Variants in ANGPT1 observed in about 807,000 individuals in gnomAD.
ANGPT1 encodes the protein angiopoietin-1.
A neutral mutation model predicts 62.2 loss-of-function variants in ANGPT1; 17 were observed. The observed-to-expected ratio is 0.27, with a 90% CI of 0.19 to 0.41. ANGPT1 has a LOEUF of 0.41. Ranked by LOEUF, ANGPT1 falls within the 10% of genes least tolerant of loss-of-function variation. The pLI is 1.00. For missense variants in ANGPT1, 478 were observed against 594.9 expected (o/e 0.80, Z 2.04); for synonymous variants, 199 against 198.9 (o/e 1.00, Z 0.00).
At chr8:107,466,629 A>T (rs1472810196) in intron 1 of ANGPT1, among the ~76,000 whole-genome samples, 1 of 152,106 alleles carries the variant, frequency 6.6e-6, no homozygotes, top group Admixed American at 6.6e-5. Flanking sequence ...ATTATAATTG[A>T]GGCTGGGCAC....
chr8:107,319,686 C>A (rs1385333804), intron 4 of ANGPT1, among the ~76,000 whole-genome samples: 1 of 151,646 alleles, frequency 6.6e-6, no homozygotes, highest in Admixed American at 6.6e-5. Context: ...ATGCTATTAG[C>A]CATTTAAAAT....
intron 1 of ANGPT1, among the ~76,000 whole-genome samples, chr8:107,429,582 T>G (rs920683660): frequency 6.6e-6 from 1 of 151,528 alleles, no homozygotes; most frequent in African/African-American, 2.4e-5. Flanking sequence ...TAATTATTTG[T>G]CTTTTTTCTC....
intron 1 of ANGPT1, among the ~76,000 whole-genome samples, chr8:107,460,322 G>C (rs752896631): frequency 6.6e-6 from 1 of 152,128 alleles, no homozygotes; most frequent in Non-Finnish European, 1.5e-5. Flanking sequence ...GAGATGAGAA[G>C]TTTAAGCAGA....
chr8:107,291,632 C>T (rs1814278527), intron 6 of ANGPT1, among the ~76,000 whole-genome samples: 2 of 151,988 alleles, frequency 1.3e-5, no homozygotes, highest in African/African-American at 4.8e-5. Context: ...AAGATGGTCT[C>T]GATCTCCTGA....
chr8:107,312,906 G>A (rs900918786), intron 4 of ANGPT1, among the ~76,000 whole-genome samples: 2 of 152,102 alleles, frequency 1.3e-5, no homozygotes, highest in Non-Finnish European at 2.9e-5. Context: ...ATACTGGAGA[G>A]AAACCATCTC....
chr8:107,317,247 C>T (rs979668032), intron 4 of ANGPT1, among the ~76,000 whole-genome samples: 7 of 152,158 alleles, frequency 4.6e-5, no homozygotes, highest in Non-Finnish European at 1.0e-4. Context: ...TTCTTCTTCC[C>T]AGTAGTCTGA....
chr8:107,274,699 C>A (rs1357871843), intron 7 of ANGPT1, among the ~76,000 whole-genome samples: 1 of 152,028 alleles, frequency 6.6e-6, no homozygotes, highest in Non-Finnish European at 1.5e-5. Context: ...TGACTTGTTG[C>A]TCTTTGAATT....
intron 1 of ANGPT1, among the ~76,000 whole-genome samples, chr8:107,486,363 T>C (rs2130531919): frequency 6.6e-6 from 1 of 152,278 alleles, no homozygotes; most frequent in East Asian, 1.9e-4. Context: ...ACTTCCACTC[T>C]CTGTACCTGC....
intron 5 of ANGPT1, among the ~76,000 whole-genome samples, chr8:107,302,795 T>C (rs1814624982): frequency 6.6e-6 from 1 of 151,952 alleles, no homozygotes; most frequent in African/African-American, 2.4e-5. Context: ...ATAGGAAATG[T>C]TTCTCCTATC....
In ANGPT1 at chr8:107,251,716, T is replaced by C; in HGVS notation, c.*139A>G. On this transcript the variant is annotated 3_prime_UTR_variant, in exon 9 of 9. Coordinates refer to ENST00000517746, the MANE Select transcript of ANGPT1 (RefSeq NM_001146.5). ...GGCTCCAGATTCACGGTCAAGAACC[T>C]TGGTGACTTCACATAACTACCACTT... 1 of 1,087,370 alleles carries C rather than the reference T, an allele frequency of 9.2e-7. No homozygotes were observed. Among genetic ancestry groups the C allele is most frequent in the Non-Finnish European group, 1.3e-6 (1 of 770,440 alleles). The allele number at this position is 1,087,370 out of a possible 1,614,324, so 67.4% of individuals were successfully genotyped here.
intron 6 of ANGPT1, among the ~76,000 whole-genome samples, chr8:107,286,832 A>G (rs1814153707): frequency 6.6e-6 from 1 of 152,152 alleles, no homozygotes; most frequent in South Asian, 2.1e-4. Flanking sequence ...GTGGCAGGAA[A>G]TATTAGAGCA....
intron 2 of ANGPT1, among the ~76,000 whole-genome samples, chr8:107,343,762 C>T (rs919314306): frequency 2.6e-5 from 4 of 152,160 alleles, no homozygotes; most frequent in Non-Finnish European, 4.4e-5. Context: ...AAACATCTTA[C>T]ATCAAGGAAG....
intron 4 of ANGPT1, among the ~76,000 whole-genome samples, chr8:107,319,859 T>A (rs1815109704): frequency 6.6e-6 from 1 of 151,906 alleles, no homozygotes; most frequent in South Asian, 2.1e-4. Flanking sequence ...ACAGTAAGAT[T>A]AAAGAAAAAA....
chr8:107,493,068 A>G (rs2130545418), intron 1 of ANGPT1, among the ~76,000 whole-genome samples: 1 of 150,630 alleles, frequency 6.6e-6, no homozygotes, highest in Non-Finnish European at 1.5e-5. Context: ...AGGTCCCTTA[A>G]TTTTCACTAT....
intron 1 of ANGPT1, among the ~76,000 whole-genome samples, chr8:107,391,072 A>G (rs1816825700): frequency 6.6e-6 from 1 of 152,226 alleles, no homozygotes. Flanking sequence ...GTTACTAGGT[A>G]CTATTGCAAT....
At chr8:107,391,568 G>A (rs1816836324) in intron 1 of ANGPT1, among the ~76,000 whole-genome samples, 1 of 152,150 alleles carries the variant, frequency 6.6e-6, no homozygotes, top group African/African-American at 2.4e-5. Context: ...TTGAGAGGCT[G>A]AGGCAGGAGA....
chr8:107,446,148 A>C (rs1207696019), intron 1 of ANGPT1, among the ~76,000 whole-genome samples: 1 of 152,156 alleles, frequency 6.6e-6, no homozygotes, highest in Non-Finnish European at 1.5e-5. Flanking sequence ...TGAACTCCTG[A>C]CTTCATGATC....
chr8:107,275,988 C>T (rs1475042583), intron 7 of ANGPT1, among the ~76,000 whole-genome samples: 1 of 152,078 alleles, frequency 6.6e-6, no homozygotes, highest in African/African-American at 2.4e-5. Context: ...ACTCTAGAGA[C>T]TGACATTCAA....
intron 1 of ANGPT1, among the ~76,000 whole-genome samples, chr8:107,445,854 C>A (rs1055286114): frequency 6.6e-6 from 1 of 151,418 alleles, no homozygotes; most frequent in African/African-American, 2.4e-5. Context: ...GTATGCTACA[C>A]GTGGAAAGTA....
Sources: gnomAD v4.1 joint callset for allele counts (sites outside exome capture counted in the v4.1 genomes callset) on GRCh38, gnomAD v4.1.1 for gene constraint, MANE v1.5 for transcripts, NCBI Gene and HGNC (gene_info 2026-07-23, HGNC 2026-07-21) for gene names.